Variants in FGF18 observed in about 807,000 individuals in gnomAD.
FGF18 encodes fibroblast growth factor 18.
In FGF18, 5 loss-of-function variants were observed where a neutral mutation model predicts 23.0. That is an observed-to-expected ratio of 0.22 (90% CI 0.11 to 0.46). The LOEUF (loss-of-function observed/expected upper bound fraction) is 0.46. Among genes scored for constraint, FGF18 ranks in the 20% least tolerant of loss-of-function variants. The pLI is 0.99. For synonymous variants in FGF18, 117 were observed against 118.9 expected, an observed-to-expected ratio of 0.98 and a Z score of 0.10; for missense variants, 180 against 291.6, an observed-to-expected ratio of 0.62 and a Z score of 2.79.
Position 171,443,426 on chromosome 5 carries a change from C to A in FGF18, c.251-5721C>A, listed in dbSNP as rs1173588530. Among the ~76,000 whole-genome samples, 4 of 150,420 alleles carry A rather than the reference C, an allele frequency of 2.7e-5. No homozygotes were observed. The East Asian group carries it at 5.9e-4, about 22-fold the overall frequency. The stretch of plus-strand genomic sequence containing the variant: ...GGTTACGGGCATGAGTGCCCGGCCC[C>A]ACGTTCACACTCTTAACATCTTAAC... On this transcript the variant is annotated intron_variant, in intron 3 of 4. Transcript: ENST00000274625.
Position 171,420,391 on chromosome 5 carries a change from CATCT to C in FGF18, c.33-15_33-12del. The C allele has an allele frequency of 6.2e-7, 1 of 1,613,628 alleles. No individual in the cohort carries two copies. The highest frequency in any genetic ancestry group is 8.5e-7 in the Non-Finnish European group (1 of 1,179,802). On this transcript the variant is annotated splice_polypyrimidine_tract_variant and intron_variant, in intron 1 of 4. Coordinates refer to ENST00000274625, the MANE Select transcript of FGF18 (RefSeq NM_003862.3). ...CCTCAGGTCCCACTGACCGCTTCTCCATCTGTTTCCCGCAGGTGTTTACACTTCC... is the reference window on the plus strand; with the variant it reads ...CCTCAGGTCCCACTGACCGCTTCTCCGTTTCCCGCAGGTGTTTACACTTCC...
At chr5:171,452,865 G>A (rs1772536370) in intron 4 of FGF18, among the ~76,000 whole-genome samples, 2 of 152,056 alleles carry the variant, frequency 1.3e-5, no homozygotes, top group Non-Finnish European at 2.9e-5. Context: ...GGCTTATATA[G>A]CAAACAACAA....
At chr5:171,431,176 G>C (rs1360464329) in intron 2 of FGF18, among the ~76,000 whole-genome samples, 2 of 152,198 alleles carry the variant, frequency 1.3e-5, no homozygotes, top group African/African-American at 4.8e-5. Flanking sequence ...GTGTGAGGTG[G>C]TACCTTGGTT....
intron 4 of FGF18, among the ~76,000 whole-genome samples, chr5:171,450,564 G>A (rs1581279773): frequency 6.6e-6 from 1 of 152,200 alleles, no homozygotes; most frequent in Non-Finnish European, 1.5e-5. Context: ...GGTTTGGAAG[G>A]AAAAGATTCC....
intron 2 of FGF18, among the ~76,000 whole-genome samples, chr5:171,432,975 C>T (rs1016955413): frequency 6.6e-6 from 1 of 152,226 alleles, no homozygotes. Flanking sequence ...GGGCCCTCAC[C>T]CAGCCTGGGA....
chr5:171,439,453 C>G (rs1260041983), intron 3 of FGF18, among the ~76,000 whole-genome samples: 1 of 152,184 alleles, frequency 6.6e-6, no homozygotes, highest in Non-Finnish European at 1.5e-5. Context: ...GGGAGGGGCA[C>G]CCTGCCCACC....
At chr5:171,427,875 GGGGCTCACAGGGAT>G (rs1772120295) in intron 2 of FGF18, among the ~76,000 whole-genome samples, 1 of 152,136 alleles carries the variant, frequency 6.6e-6, no homozygotes, top group African/African-American at 2.4e-5. Flanking sequence ...GGCGCTCTGC[GGGGCTCACAGGGAT>G]GGGTGGGTTC....
chr5:171,451,689 G>C lies in FGF18; in HGVS notation c.357+2436G>C, dbSNP rs1439854847. 6.6e-6 allele frequency among the ~76,000 whole-genome samples: 1 copy of C among 152,100 alleles called. No individual in the cohort carries two copies. Among genetic ancestry groups the C allele is most frequent in the Non-Finnish European group, 1.5e-5 (1 of 68,002 alleles). On this transcript the variant is annotated intron_variant, in intron 4 of 4. Transcript: ENST00000274625. The surrounding 1 kb of genome is among the most constrained non-coding windows in gnomAD (Gnocchi z 4.5). ...CCATGGGTCCTCCCACCTTGCTATG[G>C]GACACCGAAGGCCCTGGGGAGCCTC...
chr5:171,436,038 A>C lies in FGF18; in HGVS notation c.70-55A>C, dbSNP rs189209573. 3.6e-6 allele frequency: 5 copies of C among 1,387,758 alleles called. No individual in the cohort carries two copies. The South Asian group carries it at 8.8e-5, about 24-fold the overall frequency. 86.0% of individuals were successfully genotyped at this position (1,387,758 alleles called of 1,614,324 possible). On this transcript the variant is annotated intron_variant, in intron 2 of 4. Coordinates refer to ENST00000274625, the MANE Select transcript of FGF18 (RefSeq NM_003862.3). This position sits in a 1 kb window ranked among gnomAD's most constrained non-coding sequence, Gnocchi z 4.4. ...TGTGGTGGACGTGGCTGGCTCCTGC[A>C]TGCAGTGGGCCTGGGACATCTGGGG...
chr5:171,445,354 A>G (rs1772403277), intron 3 of FGF18, among the ~76,000 whole-genome samples: 1 of 151,860 alleles, frequency 6.6e-6, no homozygotes. Context: ...AACTAAATTT[A>G]TATATTTTTT....
At chr5:171,425,627 T>G (rs1772079048) in intron 2 of FGF18, among the ~76,000 whole-genome samples, 1 of 147,160 alleles carries the variant, frequency 6.8e-6, no homozygotes, top group Non-Finnish European at 1.5e-5. Flanking sequence ...GCCTGCCGGG[T>G]TCACGCCATT....
rs991007526 is a variant in FGF18, at chr5:171,419,715, G to A, written c.-485G>A. On this transcript the variant is annotated 5_prime_UTR_variant, in exon 1 of 5. Coordinates refer to ENST00000274625, the MANE Select transcript of FGF18 (RefSeq NM_003862.3). ...ACATGAGCCGGCGGGCGCCCAGACG[G>A]AGCGGCCGTGACGCTTTCGCGCTGC... The A allele has an allele frequency of 4.6e-5, 7 of 151,666 alleles. No homozygotes were observed. The highest frequency in any genetic ancestry group is 2.0e-4 in the Admixed American group (3 of 15,224). The allele number at this position is 151,666 out of a possible 1,614,324, so 9.4% of individuals were successfully genotyped here. A position where few individuals can be genotyped will look rare whatever the true frequency, so the allele number is the denominator to read the frequency against.
intron 2 of FGF18, among the ~76,000 whole-genome samples, chr5:171,432,223 C>T (rs1025181071): frequency 6.6e-6 from 1 of 151,888 alleles, no homozygotes; most frequent in African/African-American, 2.4e-5. Context: ...TGACCTGCCA[C>T]GCAGCTAGTA....
At chr5:171,426,226 T>C (rs1284142874) in intron 2 of FGF18, among the ~76,000 whole-genome samples, 1 of 152,172 alleles carries the variant, frequency 6.6e-6, no homozygotes, top group Non-Finnish European at 1.5e-5. Context: ...CCTCTTACTC[T>C]AGGAGGGTTC....
rs1341344222 is a variant in FGF18 at position 171,457,576 on chromosome 5, G to C, written c.*771G>C. ...TGTATATTGCAGTTTCATGAACCAAGTATTACTGCCTCAACAATTAAAAAC... is the reference window on the plus strand; with the variant it reads ...TGTATATTGCAGTTTCATGAACCAACTATTACTGCCTCAACAATTAAAAAC... On this transcript the variant is annotated 3_prime_UTR_variant, in exon 5 of 5. Coordinates refer to ENST00000274625, the MANE Select transcript of FGF18 (RefSeq NM_003862.3). 6.6e-6 allele frequency: 1 copy of C among 151,950 alleles called. No homozygotes were observed. The highest frequency in any genetic ancestry group is 2.4e-5 in the African/African-American group (1 of 41,338). 9.4% of individuals were successfully genotyped at this position (151,950 alleles called of 1,614,324 possible).
intron 2 of FGF18, among the ~76,000 whole-genome samples, chr5:171,430,459 A>G (rs1463958644): frequency 6.6e-6 from 1 of 151,898 alleles, no homozygotes. Flanking sequence ...GAAGTGCTCA[A>G]CACACAATGC....
chr5:171,439,389 G>T (rs893758430), intron 3 of FGF18, among the ~76,000 whole-genome samples: 1 of 152,184 alleles, frequency 6.6e-6, no homozygotes, highest in Non-Finnish European at 1.5e-5. Context: ...AGCACAGCTG[G>T]CCAGAGGGCT....
At chr5:171,424,704 T>C (rs1772065338) in intron 2 of FGF18, among the ~76,000 whole-genome samples, 1 of 152,162 alleles carries the variant, frequency 6.6e-6, no homozygotes, top group African/African-American at 2.4e-5. Flanking sequence ...GTCTCTGGGC[T>C]TGAGGGTGTC....
intron 2 of FGF18, among the ~76,000 whole-genome samples, chr5:171,431,784 C>T (rs559249388): frequency 5.9e-5 from 9 of 152,110 alleles, no homozygotes; most frequent in Non-Finnish European, 7.4e-5. Flanking sequence ...GCAGACTGGG[C>T]GCGGTGGCTC....
Sources: gnomAD v4.1 joint callset for allele counts (sites outside exome capture counted in the v4.1 genomes callset) on GRCh38, gnomAD v4.1.1 for gene constraint, Gnocchi (gnomAD v3.1) non-coding constraint, MANE v1.5 for transcripts, NCBI Gene and HGNC (gene_info 2026-07-23, HGNC 2026-07-21) for gene names.